Variants in FLACC1 observed in about 807,000 individuals in gnomAD.
FLACC1 encodes the protein flagellum associated containing coiled-coil domains 1.
In FLACC1, 66 loss-of-function variants were observed where a neutral mutation model predicts 62.8. The observed-to-expected ratio is 1.05, with a 90% CI of 0.86 to 1.29. The LOEUF (loss-of-function observed/expected upper bound fraction) is 1.29. Among genes scored for constraint, FLACC1 ranks in the 50% most tolerant of loss-of-function variants. The pLI, the probability that FLACC1 is intolerant of heterozygous loss-of-function variation, is 0.00. For synonymous variants in FLACC1, 156 were observed against 161.0 expected (o/e 0.97, Z 0.24); for missense variants, 452 against 489.1 (o/e 0.92, Z 0.71).
intron 6 of FLACC1, among the ~76,000 whole-genome samples, chr2:201,342,681 C>T (rs1337665154): frequency 6.6e-6 from 1 of 152,248 alleles, no homozygotes; most frequent in Non-Finnish European, 1.5e-5. Context: ...TGGTGCATCT[C>T]TTTCACTGAC....
chr2:201,340,424 T>C (rs1238105397), intron 7 of FLACC1, among the ~76,000 whole-genome samples: 1 of 152,226 alleles, frequency 6.6e-6, no homozygotes, highest in Non-Finnish European at 1.5e-5. Flanking sequence ...GTGGTTACCA[T>C]GACACTTAGT....
intron 1 of FLACC1, among the ~76,000 whole-genome samples, chr2:201,352,563 C>A (rs1331185381): frequency 1.3e-5 from 2 of 152,134 alleles, no homozygotes; most frequent in African/African-American, 4.8e-5. Flanking sequence ...GGGCTCTCTC[C>A]ATAGCTCACT....
intron 12 of FLACC1, among the ~76,000 whole-genome samples, chr2:201,292,281 C>G (rs561802944): frequency 5.9e-5 from 9 of 152,262 alleles, no homozygotes; most frequent in South Asian, 2.1e-4. Context: ...AGAGAGAAAG[C>G]TCGGGTTACC....
chr2:201,351,209 T>C, intron 2 of FLACC1, 83 bp downstream of exon 2: 1 of 1,212,464 alleles, frequency 8.2e-7, no homozygotes, highest in Non-Finnish European at 1.2e-6. Flanking sequence ...CCACACTTGC[T>C]GTTTTAGAAA....
intron 7 of FLACC1, among the ~76,000 whole-genome samples, chr2:201,335,269 CTA>C (rs75934720): frequency 0.082 from 12,430 of 152,070 alleles, 689 homozygotes; most frequent in Non-Finnish European, 0.12. Context: ...TTTCTAGACT[CTA>C]TTTCATTTAT....
Position 201,289,473 on chromosome 2 carries a change from C to T in FLACC1, c.1126G>A (p.Glu376Lys), listed in dbSNP as rs769968029. ...CAGCCGCACTTCAGATGAATGTTCT[C>T]TTCCGTCAGGATCTGTATGGTGTGC... ...YKHTIQILTE[E>K]NIHLKQKIIS... The change falls in exon 14 of 15, where the codon GAG becomes AAG. Residue 376 changes from glutamate (E) to lysine (K), a missense_variant. This residue lies in a region of FLACC1 where 301 missense variants were observed against 318.4 expected (regional missense o/e 0.95). Transcript: ENST00000392257. 1 of 1,614,218 alleles carries T rather than the reference C, an allele frequency of 6.2e-7. No individual in the cohort carries two copies.
At chr2:201,291,736 G>A (rs1030645284) in intron 12 of FLACC1, among the ~76,000 whole-genome samples, 21 of 152,160 alleles carry the variant, frequency 1.4e-4, no homozygotes, top group African/African-American at 4.1e-4. Flanking sequence ...CCGAGCTAAA[G>A]GAGAAAGTTC....
At position 201,326,560 on chromosome 2, in the gene FLACC1, C is replaced by G. The variant is rs368008749; in HGVS notation, c.675+3910G>C. 6.6e-6 allele frequency among the ~76,000 whole-genome samples: 1 copy of G among 152,036 alleles called. No homozygotes were observed. Among genetic ancestry groups the G allele is most frequent in the Non-Finnish European group, 1.5e-5 (1 of 67,982 alleles). The stretch of plus-strand genomic sequence containing the variant: ...TGAGAATCAAAAAAAGAACTGATAC[C>G]CTTTTACAACAGCTACAAAAAAATA... On this transcript the variant is annotated intron_variant, in intron 9 of 14. Transcript: ENST00000392257. This position sits in a 1 kb window ranked among gnomAD's most constrained non-coding sequence, Gnocchi z 4.1.
chr2:201,299,192 G>C lies in FLACC1; in HGVS notation c.942+46C>G, dbSNP rs200651165. On this transcript the variant is annotated intron_variant, in intron 12 of 14. Transcript: ENST00000392257. ...ACTGACAGCTTGTTATTTTATTGGT[G>C]TATTTGTAATATACCAAGTCCACAG... 2.7e-6 allele frequency: 4 copies of C among 1,497,672 alleles called. No individual in the cohort carries two copies. The African/African-American group carries it at 4.2e-5, about 16-fold the overall frequency. The allele number at this position is 1,497,672 out of a possible 1,614,324, so 92.8% of individuals were successfully genotyped here.
At chr2:201,304,639 A>G (rs563923531) in intron 11 of FLACC1, among the ~76,000 whole-genome samples, 1 of 152,324 alleles carries the variant, frequency 6.6e-6, no homozygotes, top group South Asian at 2.1e-4. Flanking sequence ...ATCCTAAGCC[A>G]AAAGAACAAA....
At chr2:201,320,122 C>G (rs1375379925) in intron 9 of FLACC1, among the ~76,000 whole-genome samples, 1 of 152,234 alleles carries the variant, frequency 6.6e-6, no homozygotes, top group Non-Finnish European at 1.5e-5. Context: ...CTTGCACACA[C>G]TCCCAGATTT....
intron 9 of FLACC1, among the ~76,000 whole-genome samples, chr2:201,327,828 T>C (rs1950524304): frequency 6.6e-6 from 1 of 152,062 alleles, no homozygotes; most frequent in Non-Finnish European, 1.5e-5. Flanking sequence ...GAAAGGAAAA[T>C]GAGTCATTAC....
rs1380960730 is a variant in FLACC1 at position 201,309,382 on chromosome 2, T to C, written c.676-132A>G. 1.0e-5 allele frequency: 7 copies of C among 688,062 alleles called. No homozygotes were observed. In the Admixed American group the frequency reaches 1.7e-4, roughly 16 times the overall value. 42.6% of individuals were successfully genotyped at this position (688,062 alleles called of 1,614,324 possible). ...GGCCAGGGCCCATCACCATGTTCTG[T>C]GCATCTTCCCTTACCTGGGGCCCTC... is the stretch of plus-strand genomic sequence containing the variant. On this transcript the variant is annotated intron_variant, in intron 9 of 14. Transcript: ENST00000392257.
At chr2:201,311,747 A>T (rs1304089709) in intron 9 of FLACC1, among the ~76,000 whole-genome samples, 1 of 151,782 alleles carries the variant, frequency 6.6e-6, no homozygotes, top group Non-Finnish European at 1.5e-5. Context: ...AGTAGGCTTC[A>T]TTCTCACAAT....
At position 201,307,610 on chromosome 2, in the gene FLACC1, GTCA is replaced by G; in HGVS notation, c.785_787del (p.Met262del). On this transcript the variant is annotated inframe_deletion, in exon 11 of 15. Coordinates refer to ENST00000392257, the MANE Select transcript of FLACC1 (RefSeq NM_001127391.3). ...TCCTGACTCCATTTCGAATTTTTTGGTCATCTTTTTTTCTGTGGAAGTGACAGG... is the reference window on the plus strand; with the variant it reads ...TCCTGACTCCATTTCGAATTTTTTGGTCTTTTTTTCTGTGGAAGTGACAGG... 1.2e-6 allele frequency: 2 copies of G among 1,613,398 alleles called. No individual in the cohort carries two copies. The highest frequency in any genetic ancestry group is 2.2e-5 in the South Asian group (2 of 91,056).
At chr2:201,348,231 C>A (rs561025094) in intron 4 of FLACC1, 23 bp downstream of exon 4, 1 of 1,610,544 alleles carries the variant, frequency 6.2e-7, no homozygotes, top group Admixed American at 1.7e-5. Context: ...TTAGTCCCAC[C>A]GCCCTCTCCT....
Position 201,331,511 on chromosome 2 carries a change from G to C in FLACC1, c.525-678C>G, listed in dbSNP as rs554708414. ...AGGAAGCAATGTTGGCAGTGTTTATGATGAGTATTAAAATGAGTCCATATG... is the reference window on the plus strand; with the variant it reads ...AGGAAGCAATGTTGGCAGTGTTTATCATGAGTATTAAAATGAGTCCATATG... On this transcript the variant is annotated intron_variant, in intron 7 of 14. Coordinates refer to ENST00000392257, the MANE Select transcript of FLACC1 (RefSeq NM_001127391.3). Among the ~76,000 whole-genome samples the C allele has an allele frequency of 9.3e-4, 141 of 152,218 alleles. 2 individuals are homozygous for C. The highest frequency in any genetic ancestry group is 3.2e-3 in the African/African-American group (133 of 41,540).
intron 1 of FLACC1, among the ~76,000 whole-genome samples, chr2:201,352,508 C>A (rs553768923): frequency 6.6e-6 from 1 of 152,226 alleles, no homozygotes; most frequent in Admixed American, 6.5e-5. Context: ...GGAGAGGAGA[C>A]AAGATTGCAC....
chr2:201,330,605 C>T (rs1950574117), intron 8 of FLACC1, 83 bp from the exon 9 acceptor site: 1 of 1,529,154 alleles, frequency 6.5e-7, no homozygotes, highest in Non-Finnish European at 9.0e-7. Context: ...CTTCTGCACA[C>T]CTTCCCCACC....
Sources: allele counts gnomAD v4.1 joint callset (sites outside exome capture counted in the v4.1 genomes callset), GRCh38; gene constraint gnomAD v4.1.1; regional missense constraint gnomAD v4.1.1; non-coding constraint Gnocchi (gnomAD v3.1); transcripts MANE v1.5; gene names NCBI Gene and HGNC (gene_info 2026-07-23, HGNC 2026-07-21).